SEMA5A: variants seen among roughly 807,000 people sequenced by gnomAD.
The protein encoded by SEMA5A is semaphorin 5A.
In SEMA5A, 55 loss-of-function variants were observed where a neutral mutation model predicts 135.5. The observed-to-expected ratio is 0.41, with a 90% CI of 0.33 to 0.51. The LOEUF (loss-of-function observed/expected upper bound fraction) is 0.51, where lower values mean the gene tolerates loss of function less well. Ranked by LOEUF, SEMA5A falls within the 20% of genes least tolerant of loss-of-function variation. The pLI, the probability that SEMA5A is intolerant of heterozygous loss-of-function variation, is 0.37. For synonymous variants in SEMA5A, 580 were observed against 546.5 expected (o/e 1.06, Z -0.85); for missense variants, 1,290 against 1,419.9 (o/e 0.91, Z 1.47).
At chr5:9,162,416 G>A (rs1016184632) in intron 11 of SEMA5A, among the ~76,000 whole-genome samples, 7 of 148,982 alleles carry the variant, frequency 4.7e-5, no homozygotes, top group African/African-American at 1.7e-4. Context: ...ATATATATGT[G>A]TGTGTATATA....
At chr5:9,173,409 G>A (rs1020185665) in intron 11 of SEMA5A, among the ~76,000 whole-genome samples, 3 of 151,698 alleles carry the variant, frequency 2.0e-5, no homozygotes, top group Non-Finnish European at 2.9e-5. Flanking sequence ...GACTGGGGGG[G>A]TTATCAACAA....
chr5:9,523,085 T>C (rs956766089), intron 1 of SEMA5A: 6 of 152,220 alleles, frequency 3.9e-5, no homozygotes, highest in African/African-American at 9.7e-5. Context: ...TGAAGAAATC[T>C]TTTCCTTATT....
intron 11 of SEMA5A, among the ~76,000 whole-genome samples, chr5:9,185,219 T>C (rs758129879): frequency 8.5e-5 from 13 of 152,238 alleles, no homozygotes; most frequent in Non-Finnish European, 2.9e-5. Flanking sequence ...TGAGCCACTG[T>C]GCCCAGCTCT....
At chr5:9,504,224 G>GA (rs756036470) in intron 1 of SEMA5A, among the ~76,000 whole-genome samples, 3,977 of 103,486 alleles carry the variant, frequency 0.038, 20 homozygotes, top group Non-Finnish European at 0.043. Context: ...AAAAAAAAAA[G>GA]AAAAAAAAAA....
In SEMA5A at chr5:9,185,209, T is replaced by C. The variant is rs116602355; in HGVS notation, c.1273+5058A>G. Among the ~76,000 whole-genome samples the C allele has an allele frequency of 8.0e-3, 1,225 of 152,322 alleles. 14 individuals are homozygous for C. Among genetic ancestry groups the C allele is most frequent in the African/African-American group, 0.028 (1,145 of 41,560 alleles). ...TCCCGAAGTTCTGGGATTACAGGTGTGAGCCACTGTGCCCAGCTCTATTTT... is the reference window on the plus strand; with the variant it reads ...TCCCGAAGTTCTGGGATTACAGGTGCGAGCCACTGTGCCCAGCTCTATTTT... On this transcript the variant is annotated intron_variant, in intron 11 of 22. Transcript: ENST00000382496.
At chr5:9,197,697 G>T (rs1745471160) in intron 9 of SEMA5A, among the ~76,000 whole-genome samples, 1 of 148,186 alleles carries the variant, frequency 6.7e-6, no homozygotes, top group African/African-American at 2.5e-5. Flanking sequence ...CTGTTTATCT[G>T]GTCACTTTGC....
At chr5:9,353,815 A>T (rs963342832) in intron 3 of SEMA5A, among the ~76,000 whole-genome samples, 25 of 152,174 alleles carry the variant, frequency 1.6e-4, no homozygotes, top group African/African-American at 6.0e-4. Flanking sequence ...AAAATAAAAT[A>T]AAAAGCAAAC....
chr5:9,147,628 A>C (rs1030742334), intron 12 of SEMA5A, among the ~76,000 whole-genome samples: 4 of 150,874 alleles, frequency 2.7e-5, no homozygotes, highest in Admixed American at 2.0e-4. Flanking sequence ...ACAATTTAAA[A>C]GGTGTGACTC....
intron 1 of SEMA5A, among the ~76,000 whole-genome samples, chr5:9,525,018 T>C (rs1737050244): frequency 6.6e-6 from 1 of 152,152 alleles, no homozygotes; most frequent in African/African-American, 2.4e-5. Flanking sequence ...TTACAACCTG[T>C]TGTTTGAATC....
chr5:9,073,234 C>G (rs986041016), intron 16 of SEMA5A, among the ~76,000 whole-genome samples: 2 of 151,952 alleles, frequency 1.3e-5, no homozygotes, highest in Non-Finnish European at 2.9e-5. Flanking sequence ...AAATCAAACC[C>G]AAAATATATC....
chr5:9,074,081 T>C (rs1261458695), intron 16 of SEMA5A, among the ~76,000 whole-genome samples: 1 of 152,150 alleles, frequency 6.6e-6, no homozygotes, highest in East Asian at 1.9e-4. Context: ...AGACATACTT[T>C]CTAACTTCAG....
intron 1 of SEMA5A, among the ~76,000 whole-genome samples, chr5:9,544,145 A>G (rs890456967): frequency 6.6e-6 from 1 of 152,146 alleles, no homozygotes; most frequent in African/African-American, 2.4e-5. Flanking sequence ...AATTAATAAC[A>G]TATCTGCTGA....
At chr5:9,259,695 G>A (rs1397890656) in intron 5 of SEMA5A, among the ~76,000 whole-genome samples, 1 of 139,014 alleles carries the variant, frequency 7.2e-6, no homozygotes, top group Non-Finnish European at 1.5e-5. Context: ...TGAAACCAAT[G>A]AGAACAAAGA....
chr5:9,181,678 A>G (rs1406484722), intron 11 of SEMA5A, among the ~76,000 whole-genome samples: 1 of 152,176 alleles, frequency 6.6e-6, no homozygotes, highest in Non-Finnish European at 1.5e-5. Flanking sequence ...TGGGATTGAT[A>G]GAAACACGTT....
intron 16 of SEMA5A, among the ~76,000 whole-genome samples, chr5:9,096,978 A>G (rs1739356469): frequency 6.6e-6 from 1 of 152,176 alleles, no homozygotes; most frequent in South Asian, 2.1e-4. Context: ...ACGAGTAACT[A>G]TGAGAGAAGG....
intron 5 of SEMA5A, among the ~76,000 whole-genome samples, chr5:9,269,150 AT>A (rs1275455463): frequency 1.3e-5 from 2 of 152,036 alleles, no homozygotes; most frequent in African/African-American, 4.8e-5. Context: ...CATGCCTCTA[AT>A]TTGTCATCAC....
At chr5:9,044,646 A>G (rs1736151210) in intron 21 of SEMA5A, 62 bp from the exon 22 acceptor site, 1 of 1,372,924 alleles carries the variant, frequency 7.3e-7, no homozygotes, top group Non-Finnish European at 1.0e-6. Flanking sequence ...AGCTACTCAA[A>G]GCACTAGGAT....
chr5:9,045,387 T>G (rs908465521), intron 21 of SEMA5A, among the ~76,000 whole-genome samples: 5 of 152,200 alleles, frequency 3.3e-5, no homozygotes, highest in Admixed American at 2.0e-4. Context: ...CTCTCTCCAT[T>G]TCATCCTATT....
At chr5:9,392,929 A>G (rs1459547193) in intron 2 of SEMA5A, among the ~76,000 whole-genome samples, 1 of 152,252 alleles carries the variant, frequency 6.6e-6, no homozygotes, top group Non-Finnish European at 1.5e-5. Context: ...GCTATGGAAA[A>G]GTACAAGTTA....
Sources: allele counts gnomAD v4.1 joint callset (sites outside exome capture counted in the v4.1 genomes callset), GRCh38; gene constraint gnomAD v4.1.1; transcripts MANE v1.5; gene names NCBI Gene and HGNC (gene_info 2026-07-23, HGNC 2026-07-21).